The following MYO7A variants were observed in gnomAD, a reference collection of about 807,000 sequenced individuals.
MYO7A encodes the protein unconventional myosin-VIIa.
Under a neutral mutation model 263.8 loss-of-function variants are expected in MYO7A, and 210 were observed. That is an observed-to-expected ratio of 0.80 (90% confidence interval 0.71 to 0.89). The LOEUF (loss-of-function observed/expected upper bound fraction) is 0.89. Ranked by LOEUF, MYO7A falls within the 40% of genes least tolerant of loss-of-function variation. MYO7A has a pLI of 0.00. For missense variants in MYO7A, 2,820 were observed against 2,968.3 expected (o/e 0.95, Z 1.16); for synonymous variants, 1,239 against 1,197.3 (o/e 1.03, Z -0.72).
chr11:77,180,519 TGCTGGCTTGTCCCCTCCCCGAG>T (rs782228378), intron 22 of MYO7A, 38 bp downstream of exon 22: 16 of 1,568,346 alleles, frequency 1.0e-5, no homozygotes, highest in Non-Finnish European at 1.2e-5. Flanking sequence ...GGTGTCCACT[TGCTGGCTTGTCCCCTCCCCGAG>T]GCTGGCTTCT....
intron 12 of MYO7A, among the ~76,000 whole-genome samples, chr11:77,161,347 C>G (rs1479545937): frequency 1.3e-5 from 2 of 152,116 alleles, no homozygotes; most frequent in African/African-American, 4.8e-5. Flanking sequence ...ATCCTGAACA[C>G]TTGGGGAGGA....
chr11:77,142,095 G>C (rs1046717491), intron 2 of MYO7A, among the ~76,000 whole-genome samples: 2 of 152,240 alleles, frequency 1.3e-5, no homozygotes, highest in African/African-American at 4.8e-5. Context: ...ACGATCCCTT[G>C]CTGAATGAGT....
At chr11:77,133,456 T>C (rs1309018959) in intron 2 of MYO7A, among the ~76,000 whole-genome samples, 3 of 152,222 alleles carry the variant, frequency 2.0e-5, no homozygotes, top group Non-Finnish European at 2.9e-5. Flanking sequence ...ATGCTTTTAG[T>C]AAAATATAAT....
chr11:77,172,915 T>G, intron 16 of MYO7A, 30 bp downstream of exon 16: 3 of 1,536,746 alleles, frequency 2.0e-6, no homozygotes, highest in Non-Finnish European at 2.6e-6. Context: ...GGTTGGCGGG[T>G]GGCGGCTAGG....
At chr11:77,212,167 A>C (rs1367858528) in intron 46 of MYO7A, 4 of 647,528 alleles carry the variant, frequency 6.2e-6, no homozygotes, top group Middle Eastern at 2.4e-4. Context: ...CAGACATGTA[A>C]ACAGGCTGGG....
intron 15 of MYO7A, 112 bp from the exon 16 acceptor site, chr11:77,172,636 T>C (rs1427771315): frequency 1.4e-6 from 2 of 1,379,356 alleles, no homozygotes; most frequent in Non-Finnish European, 2.0e-6. Flanking sequence ...TACCGCCCTG[T>C]CCCTCAAACC....
chr11:77,162,946 G>A lies in MYO7A; in HGVS notation c.1648G>A (p.Gly550Ser). 1 of 1,613,806 alleles carries A rather than the reference G, an allele frequency of 6.2e-7. No homozygotes were observed. Among genetic ancestry groups the A allele is most frequent in the Non-Finnish European group, 8.5e-7 (1 of 1,179,850 alleles). ...CAAGAACAACCATGAGACCCAGTTTGGCATCAACCATTTTGCAGGCATCGT... is the reference window on the plus strand; with the variant it reads ...CAAGAACAACCATGAGACCCAGTTTAGCATCAACCATTTTGCAGGCATCGT... ...PPKNNHETQF[G>S]INHFAGIVYY... Residue 550 changes from glycine (G) to serine (S), a missense_variant, in exon 14 of 49, where the codon GGC becomes AGC. Physicochemically the swap from Gly to Ser is moderately conservative, Grantham distance 56. Coordinates refer to ENST00000409709, the MANE Select transcript of MYO7A (RefSeq NM_000260.4).
chr11:77,134,911 A>G (rs1231558146), intron 2 of MYO7A, among the ~76,000 whole-genome samples: 1 of 151,268 alleles, frequency 6.6e-6, no homozygotes, highest in Non-Finnish European at 1.5e-5. Context: ...CAGCCTCCTG[A>G]GTACCTGGGA....
intron 4 of MYO7A, among the ~76,000 whole-genome samples, chr11:77,149,497 A>G (rs534321798): frequency 2.0e-5 from 3 of 152,300 alleles, no homozygotes; most frequent in East Asian, 3.9e-4. Context: ...TGTCAGGACC[A>G]TGAAGGGGTG....
intron 41 of MYO7A, among the ~76,000 whole-genome samples, chr11:77,206,695 GC>G (rs971951837): frequency 1.3e-5 from 2 of 152,168 alleles, no homozygotes; most frequent in Non-Finnish European, 2.9e-5. Flanking sequence ...TAGTCACGCT[GC>G]CCCTCATGGT....
In MYO7A at chr11:77,194,520, A is replaced by G; in HGVS notation, c.4319A>G (p.Lys1440Arg). 2 of 1,594,510 alleles carry G rather than the reference A, an allele frequency of 1.3e-6. No individual in the cohort carries two copies. Among genetic ancestry groups the G allele is most frequent in the Middle Eastern group, 1.7e-4 (1 of 6,018 alleles). The change falls in exon 32 of 49, where the codon AAG becomes AGG. Residue 1440 changes from lysine to arginine, a missense_variant. Transcript: ENST00000409709. ...GCCCAGCTGGCCATCGCCGCCCACA[A>G]GAAGGTAGAAGGGCTGAGAGGAGTC... ...KWAQLAIAAH[K>R]KGIYAQRRTD...
chr11:77,180,591 A>G, intron 22 of MYO7A, 110 bp downstream of exon 22: 1 of 960,356 alleles, frequency 1.0e-6, no homozygotes, highest in East Asian at 2.7e-5. Context: ...TCCATCCTTC[A>G]GAATGGCCAC....
In MYO7A at chr11:77,199,795, C is replaced by T; in HGVS notation, c.4829C>T (p.Ala1610Val). 6.2e-7 allele frequency: 1 copy of T among 1,600,836 alleles called. No homozygotes were observed. Among genetic ancestry groups the T allele is most frequent in the Non-Finnish European group, 8.5e-7 (1 of 1,170,062 alleles). Residue 1610 changes from alanine (A) to valine (V), a missense_variant, in exon 35 of 49, where the codon GCC becomes GTC. Coordinates refer to ENST00000409709, the MANE Select transcript of MYO7A (RefSeq NM_000260.4). Reference sequence around the variant, plus strand: ...CGGAAGAGATCTAAGTATGTTGTGGCCCTGCAGGATAACCCCAACCCCGGT... The same window carrying T: ...CGGAAGAGATCTAAGTATGTTGTGGTCCTGCAGGATAACCCCAACCCCGGT... ...GLRKRSKYVVALQDNPNPAGE... is the reference protein window; with the variant it reads ...GLRKRSKYVVVLQDNPNPAGE...
chr11:77,181,620 C>T (rs367915192), intron 23 of MYO7A, 31 bp downstream of exon 23: 3 of 1,590,712 alleles, frequency 1.9e-6, no homozygotes, highest in Non-Finnish European at 2.6e-6. Flanking sequence ...GCTCCAGAGG[C>T]CCACACACAC....
At position 77,197,554 on chromosome 11, in the gene MYO7A, G is replaced by A; in HGVS notation, c.4397G>A (p.Trp1466Ter). The change falls in exon 33 of 49, where the codon TGG becomes TAG. Residue 1466 changes from tryptophan (W) to a stop codon, truncating the protein, a stop_gained. Transcript: ENST00000409709. LOFTEE classifies it high-confidence loss of function. Reference protein sequence around the residue: ...EDVVSYARFKWPLLFSRFYEA... With the variant: ...EDVVSYARFK ...GTGGTCAGTTATGCCCGCTTCAAGT[G>A]GCCCTTGCTCTTCTCCAGGTTTTAT... 4 of 1,607,166 alleles carry A rather than the reference G, an allele frequency of 2.5e-6. No individual in the cohort carries two copies. Among genetic ancestry groups the A allele is most frequent in the Non-Finnish European group, 8.5e-7 (1 of 1,176,784 alleles).
Position 77,204,141 on chromosome 11 carries a change from C to G in MYO7A, c.5392C>G (p.Gln1798Glu), listed in dbSNP as rs397516317. 3 of 1,598,756 alleles carry G rather than the reference C, an allele frequency of 1.9e-6. No homozygotes were observed. Among genetic ancestry groups the G allele is most frequent in the Non-Finnish European group, 2.6e-6 (3 of 1,172,988 alleles). ...ACGCTCCGTCAACGAGCTCACCGACCAGATCTTTGAGGGTCCCCTGAAAGC... is the reference window on the plus strand; with the variant it reads ...ACGCTCCGTCAACGAGCTCACCGACGAGATCTTTGAGGGTCCCCTGAAAGC... ...RTRSVNELTD[Q>E]IFEGPLKAEP... The change falls in exon 39 of 49, where the codon CAG (glutamine) becomes GAG (glutamate). Residue 1798 changes from glutamine (Q) to glutamate (E), a missense_variant. Gln to Glu is a conservative substitution (Grantham distance 29). Transcript: ENST00000409709.
chr11:77,160,740 G>A (rs1009731437), intron 11 of MYO7A, among the ~76,000 whole-genome samples: 1 of 152,150 alleles, frequency 6.6e-6, no homozygotes, highest in Non-Finnish European at 1.5e-5. Flanking sequence ...GTCAGGGAAG[G>A]CTTCTCCAAG....
chr11:77,147,991 G>GGCCCCGCCCCGCCCACCTC (rs1951701007), intron 4 of MYO7A, 41 bp downstream of exon 4: 4 of 1,470,452 alleles, frequency 2.7e-6, no homozygotes, highest in Admixed American at 2.2e-5. Context: ...GGCCCCCTCA[G>GGCCCCGCCCCGCCCACCTC]GCCCCGCCCC....
intron 18 of MYO7A, among the ~76,000 whole-genome samples, chr11:77,176,564 G>A (rs1287183495): frequency 6.6e-6 from 1 of 152,210 alleles, no homozygotes; most frequent in African/African-American, 2.4e-5. Context: ...AAGTGGGGAA[G>A]GCAGGAATCA....
Sources: allele counts gnomAD v4.1 joint callset (sites outside exome capture counted in the v4.1 genomes callset), GRCh38; gene constraint gnomAD v4.1.1; transcripts MANE v1.5; gene names NCBI Gene and HGNC (gene_info 2026-07-23, HGNC 2026-07-21).